The following CSMD3 variants were observed in gnomAD, a reference collection of about 807,000 sequenced individuals.
CSMD3 encodes CUB and sushi domain-containing protein 3.
CSMD3 carries 177 observed loss-of-function variants against 435.2 expected under a neutral mutation model. That is an observed-to-expected ratio of 0.41 (90% CI 0.36 to 0.46). The LOEUF (loss-of-function observed/expected upper bound fraction) is 0.46, where lower values mean the gene tolerates loss of function less well. Ranked by LOEUF, CSMD3 falls within the 20% of genes least tolerant of loss-of-function variation. The pLI, the probability that CSMD3 is intolerant of heterozygous loss-of-function variation, is 0.34. For synonymous variants in CSMD3, 1,656 were observed against 1,520.5 expected, an observed-to-expected ratio of 1.09 and a Z score of -2.07; for missense variants, 4,265 against 4,504.6, an observed-to-expected ratio of 0.95 and a Z score of 1.52.
chr8:113,300,387 T>A (rs1365021394), intron 2 of CSMD3, among the ~76,000 whole-genome samples: 1 of 152,104 alleles, frequency 6.6e-6, no homozygotes, highest in Non-Finnish European at 1.5e-5. Flanking sequence ...TACCTGCACA[T>A]GTATGTTCAC....
chr8:112,292,783 T>C (rs1410138074), intron 54 of CSMD3, 73 bp from the exon 55 acceptor site: 40 of 1,245,414 alleles, frequency 3.2e-5, no homozygotes, highest in Middle Eastern at 2.1e-4. Flanking sequence ...TATTGCATTA[T>C]TGATTATACT....
intron 13 of CSMD3, among the ~76,000 whole-genome samples, chr8:112,742,151 C>A (rs868036417): frequency 2.6e-5 from 4 of 152,046 alleles, no homozygotes; most frequent in Middle Eastern, 6.8e-3. Context: ...CAAACACACA[C>A]AAACGCTAAG....
intron 13 of CSMD3, among the ~76,000 whole-genome samples, chr8:112,787,538 A>T (rs1380709006): frequency 6.6e-6 from 1 of 152,172 alleles, no homozygotes; most frequent in African/African-American, 2.4e-5. Context: ...AATCAACCTA[A>T]GTGTTCATCA....
chr8:112,429,697 A>G (rs908810691), intron 32 of CSMD3, among the ~76,000 whole-genome samples: 2 of 152,092 alleles, frequency 1.3e-5, no homozygotes, highest in African/African-American at 4.8e-5. Flanking sequence ...TGTGACACAT[A>G]GCCTAAAGTC....
chr8:113,282,123 T>C (rs942584842), intron 2 of CSMD3, among the ~76,000 whole-genome samples: 1 of 151,944 alleles, frequency 6.6e-6, no homozygotes, highest in African/African-American at 2.4e-5. Flanking sequence ...AACATAATAC[T>C]GAATGGGGAA....
intron 60 of CSMD3, 41 bp from the exon 61 acceptor site, chr8:112,263,853 T>G: frequency 6.5e-7 from 1 of 1,536,610 alleles, no homozygotes; most frequent in Non-Finnish European, 9.0e-7. Flanking sequence ...GCTGTTGAAA[T>G]ATCCTGAGCC....
intron 5 of CSMD3, among the ~76,000 whole-genome samples, chr8:113,068,337 T>C (rs1303923516): frequency 6.6e-6 from 1 of 152,148 alleles, no homozygotes; most frequent in Non-Finnish European, 1.5e-5. Context: ...TGTAACCTTA[T>C]ATTCCAATGA....
rs762314452 is a variant in CSMD3, at chr8:112,650,157, T to C, written c.3193+4A>G. On this transcript the variant is annotated splice_donor_region_variant and intron_variant, in intron 19 of 70. Transcript: ENST00000297405. ...CATATTTTGCATGTCAAATGAGTTA[T>C]TACCATCACAGGTTGGAAGTGGATG... 6 of 1,605,810 alleles carry C rather than the reference T, an allele frequency of 3.7e-6. No individual in the cohort carries two copies. The highest frequency in any genetic ancestry group is 1.1e-5 in the South Asian group (1 of 90,930).
intron 1 of CSMD3, among the ~76,000 whole-genome samples, chr8:113,387,986 T>G (rs2094446414): frequency 6.6e-6 from 1 of 151,656 alleles, no homozygotes; most frequent in East Asian, 1.9e-4. Flanking sequence ...AGAAGCATAT[T>G]ATATTGTGGC....
At chr8:112,299,684 T>C (rs1820719903) in intron 53 of CSMD3, among the ~76,000 whole-genome samples, 1 of 152,080 alleles carries the variant, frequency 6.6e-6, no homozygotes, top group Non-Finnish European at 1.5e-5. Flanking sequence ...CTCATGGCCG[T>C]TCTAAGCTAA....
intron 3 of CSMD3, among the ~76,000 whole-genome samples, chr8:113,209,262 G>C (rs959031450): frequency 6.6e-6 from 1 of 152,112 alleles, no homozygotes. Context: ...AGTGGGAACA[G>C]ATAACTTTGG....
intron 10 of CSMD3, among the ~76,000 whole-genome samples, chr8:112,876,563 G>A (rs200338800): frequency 6.6e-6 from 1 of 152,038 alleles, no homozygotes; most frequent in Admixed American, 6.6e-5. Context: ...ATCACATAAA[G>A]AGAACTAATG....
intron 5 of CSMD3, among the ~76,000 whole-genome samples, chr8:113,086,288 T>A (rs2089776284): frequency 2.0e-5 from 3 of 150,280 alleles, no homozygotes; most frequent in Admixed American, 6.6e-5. Flanking sequence ...ACATCAAAAA[T>A]TCCTGATAAC....
At chr8:112,712,795 TA>T (rs200364867) in intron 13 of CSMD3, among the ~76,000 whole-genome samples, 32,248 of 137,662 alleles carry the variant, frequency 0.23, 4,179 homozygotes, top group Non-Finnish European at 0.33. Flanking sequence ...GAATCAAAAA[TA>T]AAAAAAAAAA....
intron 20 of CSMD3, 135 bp from the exon 21 acceptor site, chr8:112,639,046 T>C: frequency 1.5e-6 from 1 of 648,040 alleles, no homozygotes; most frequent in Non-Finnish European, 2.7e-6. Context: ...CTATAAAATA[T>C]TCCAAATATA....
chr8:113,211,862 G>A (rs2092838686), intron 3 of CSMD3, among the ~76,000 whole-genome samples: 1 of 152,134 alleles, frequency 6.6e-6, no homozygotes, highest in Admixed American at 6.5e-5. Flanking sequence ...AAGGTCTAAT[G>A]TATTAGATTT....
intron 10 of CSMD3, among the ~76,000 whole-genome samples, chr8:112,906,776 C>A: frequency 6.6e-6 from 1 of 151,530 alleles, no homozygotes. Context: ...TCCTCATCCC[C>A]TAAATTCAAA....
chr8:112,593,904 T>TG (rs1290268284), intron 22 of CSMD3, among the ~76,000 whole-genome samples: 1 of 152,162 alleles, frequency 6.6e-6, no homozygotes, highest in African/African-American at 2.4e-5. Context: ...AGGGTCTTTT[T>TG]GTTTTTTGAT....
intron 1 of CSMD3, among the ~76,000 whole-genome samples, chr8:113,377,510 T>G (rs755155103): frequency 9.9e-5 from 15 of 152,220 alleles, no homozygotes; most frequent in Non-Finnish European, 1.8e-4. Flanking sequence ...TTTTGTCTTA[T>G]GTGCCAGCTA....
Sources: gnomAD v4.1 joint callset for allele counts (sites outside exome capture counted in the v4.1 genomes callset) on GRCh38, gnomAD v4.1.1 for gene constraint, MANE v1.5 for transcripts, NCBI Gene and HGNC (gene_info 2026-07-23, HGNC 2026-07-21) for gene names.